RBM43: variants seen among roughly 807,000 people sequenced by gnomAD.
The protein encoded by RBM43 is RNA-binding protein 43.
Under a neutral mutation model 12.4 loss-of-function variants are expected in RBM43, and 12 were observed. The ratio of observed to expected loss-of-function variants is 0.97; its 90% CI spans 0.62 to 1.57. The LOEUF (loss-of-function observed/expected upper bound fraction) is 1.57, where lower values mean the gene tolerates loss of function less well. RBM43 is among the 40% of genes most tolerant of loss of function. RBM43 has a pLI of 0.00. For synonymous variants in RBM43, 138 were observed against 145.7 expected (o/e 0.95, Z 0.38); for missense variants, 348 against 400.1 (o/e 0.87, Z 1.11).
In RBM43 at chr2:151,248,449, G is replaced by A. The variant is rs1682847949; in HGVS notation, c.*2457C>T. 1 of 152,072 alleles carries A rather than the reference G, an allele frequency of 6.6e-6. No homozygotes were observed. Among genetic ancestry groups the A allele is most frequent in the Non-Finnish European group, 1.5e-5 (1 of 68,008 alleles). The allele number at this position is 152,072 out of a possible 1,614,324, so 9.4% of individuals were successfully genotyped here. ...AGCTGTTTAGAGAAGGATAAAGAGG[G>A]GATACTGTAAGAAGGGGAGGGGAAA... On this transcript the variant is annotated 3_prime_UTR_variant, in exon 4 of 4. Coordinates refer to ENST00000331426, the MANE Select transcript of RBM43 (RefSeq NM_198557.3).
In RBM43 at chr2:151,251,399, C is replaced by T. The variant is rs140236677; in HGVS notation, c.581G>A (p.Arg194Lys). 2.5e-4 allele frequency: 397 copies of T among 1,614,074 alleles called. No individual in the cohort carries two copies. The highest frequency in any genetic ancestry group is 3.1e-4 in the Non-Finnish European group (368 of 1,180,036). The stretch of plus-strand genomic sequence containing the variant: ...AGAGTTATTACTTCTCTGTAGATTC[C>T]TCTGGGGATTTTGTCTATTCCACTT... The part of the protein sequence containing the change: ...ERKWNRQNPQ[R>K]NLQRSNNSLA... The change falls in exon 4 of 4, where the codon AGG (arginine) becomes AAG (lysine). Residue 194 changes from arginine to lysine, a missense_variant. By Grantham distance (26) the Arg-to-Lys change is conservative. Coordinates refer to ENST00000331426, the MANE Select transcript of RBM43 (RefSeq NM_198557.3).
intron 2 of RBM43, among the ~76,000 whole-genome samples, chr2:151,253,279 C>G (rs1232335168): frequency 6.6e-6 from 1 of 152,154 alleles, no homozygotes; most frequent in Admixed American, 6.5e-5. Context: ...GACCTCAGGC[C>G]TCATGCTTCT....
chr2:151,255,272 G>A (rs1682956216), intron 2 of RBM43, among the ~76,000 whole-genome samples: 1 of 152,018 alleles, frequency 6.6e-6, no homozygotes, highest in Admixed American at 6.6e-5. Context: ...AAATTTAGCT[G>A]GGCGTGATGG....
At chr2:151,253,706 C>G in intron 2 of RBM43, among the ~76,000 whole-genome samples, 1 of 152,104 alleles carries the variant, frequency 6.6e-6, no homozygotes, top group East Asian at 1.9e-4. Context: ...CATCTCACCC[C>G]AGAATAAAAT....
chr2:151,251,056 C>A lies in RBM43; in HGVS notation c.924G>T (p.Met308Ile), dbSNP rs923325980. ...LEGKENREKR[M>I]IKRACEQLSS... ...TTAATTGTTCACATGCCCTTTTGATCATTCTTTTCTCTCTATTTTCCTTTC... is the reference window on the plus strand; with the variant it reads ...TTAATTGTTCACATGCCCTTTTGATAATTCTTTTCTCTCTATTTTCCTTTC... Residue 308 changes from methionine (M) to isoleucine (I), a missense_variant, in exon 4 of 4, where the codon ATG (methionine) becomes ATT (isoleucine). Physicochemically the swap from Met to Ile is conservative, Grantham distance 10. Transcript: ENST00000331426. 2 of 1,613,994 alleles carry A rather than the reference C, an allele frequency of 1.2e-6. No homozygotes were observed. The highest frequency in any genetic ancestry group is 3.3e-5 in the Admixed American group (2 of 59,984).
Position 151,251,412 on chromosome 2 carries a change from G to A in RBM43, c.568C>T (p.Gln190Ter). The A allele has an allele frequency of 1.2e-6, 2 of 1,614,158 alleles. No individual in the cohort carries two copies. Among genetic ancestry groups the A allele is most frequent in the South Asian group, 2.2e-5 (2 of 91,084 alleles). The change falls in exon 4 of 4, where the codon CAA (glutamine) becomes TAA (stop). Residue 190 changes from glutamine to a stop codon, truncating the protein, a stop_gained. Transcript: ENST00000331426. LOFTEE classifies it low-confidence loss of function (END_TRUNC). The stretch of plus-strand genomic sequence containing the variant: ...CTCTGTAGATTCCTCTGGGGATTTT[G>A]TCTATTCCACTTTCTCTCCTCACTG... ...FTSEERKWNRQNPQRNLQRSN... is the reference protein window; with the variant it reads ...FTSEERKWNR
At position 151,251,068 on chromosome 2, in the gene RBM43, T is replaced by A. The variant is rs771991229; in HGVS notation, c.912A>T (p.Arg304Ser). The change falls in exon 4 of 4, where the codon AGA becomes AGT. Residue 304 changes from arginine to serine, a missense_variant. Arg to Ser is a moderately radical substitution (Grantham distance 110). Transcript: ENST00000331426. ...ATGCCCTTTTGATCATTCTTTTCTC[T>A]CTATTTTCCTTTCCTTCCAAAATAA... is the stretch of plus-strand genomic sequence containing the variant. ...ETFILEGKEN[R>S]EKRMIKRACE... 2 of 1,614,094 alleles carry A rather than the reference T, an allele frequency of 1.2e-6. No homozygotes were observed. The highest frequency in any genetic ancestry group is 1.7e-6 in the Non-Finnish European group (2 of 1,179,992).
Position 151,257,311 on chromosome 2 carries a change from A to AACAC in RBM43, c.4-1572_4-1569dup, listed in dbSNP as rs71403150. Among the ~76,000 whole-genome samples the AACAC allele has an allele frequency of 2.2e-3, 333 of 150,802 alleles. No homozygotes were observed. In the Middle Eastern group the frequency reaches 0.024, roughly 11 times the overall value. On this transcript the variant is annotated intron_variant, in intron 1 of 3. Coordinates refer to ENST00000331426, the MANE Select transcript of RBM43 (RefSeq NM_198557.3). ...GTGTAAGAGCACGCATGCGTGCACAAACACACACACACACACACACAAACA... is the reference window on the plus strand; with the variant it reads ...GTGTAAGAGCACGCATGCGTGCACAAACACACACACACACACACACACACAAACA...
At chr2:151,257,364 A>G (rs1682989138) in intron 1 of RBM43, among the ~76,000 whole-genome samples, 1 of 152,148 alleles carries the variant, frequency 6.6e-6, no homozygotes, top group Non-Finnish European at 1.5e-5. Context: ...TGTCCTGTCC[A>G]TCCCAAGAGC....
At chr2:151,252,197 A>G (rs1465398877) in intron 3 of RBM43, among the ~76,000 whole-genome samples, 3 of 152,120 alleles carry the variant, frequency 2.0e-5, no homozygotes, top group Non-Finnish European at 4.4e-5. Flanking sequence ...GGCATCATCC[A>G]TGACAGTATA....
Position 151,248,005 on chromosome 2 carries a change from G to C in RBM43, c.*2901C>G, listed in dbSNP as rs1682842612. On this transcript the variant is annotated 3_prime_UTR_variant, in exon 4 of 4. Transcript: ENST00000331426. Reference sequence around the variant, plus strand: ...TATAGTAAAACACGTAAATTCACCAGTTTATAAAAATGATTAGATGCAAAT... The same window carrying C: ...TATAGTAAAACACGTAAATTCACCACTTTATAAAAATGATTAGATGCAAAT... 6.6e-6 allele frequency: 1 copy of C among 152,102 alleles called. No homozygotes were observed. Among genetic ancestry groups the C allele is most frequent in the Non-Finnish European group, 1.5e-5 (1 of 67,988 alleles). The allele number at this position is 152,102 out of a possible 1,614,324, so 9.4% of individuals were successfully genotyped here.
intron 1 of RBM43, chr2:151,261,239 T>C: frequency 6.5e-7 from 1 of 1,541,620 alleles, no homozygotes; most frequent in Non-Finnish European, 8.8e-7. Flanking sequence ...TCTTCCTGAC[T>C]TGCGTCCTTG....
Position 151,255,518 on chromosome 2 carries a change from T to C in RBM43, c.214+15A>G, listed in dbSNP as rs761947288. ...GAAGTATTTCTAAAATTACAAAAAT[T>C]TGACTTGGAAATACCTTTTTTTTCT... is the stretch of plus-strand genomic sequence containing the variant. On this transcript the variant is annotated intron_variant, in intron 2 of 3. Coordinates refer to ENST00000331426, the MANE Select transcript of RBM43 (RefSeq NM_198557.3). 9 of 1,537,602 alleles carry C rather than the reference T, an allele frequency of 5.9e-6. No individual in the cohort carries two copies. The highest frequency in any genetic ancestry group is 2.7e-5 in the African/African-American group (2 of 72,738).
chr2:151,251,342 G>A lies in RBM43; in HGVS notation c.638C>T (p.Thr213Ile), dbSNP rs146653278. 5 of 1,614,080 alleles carry A rather than the reference G, an allele frequency of 3.1e-6. No individual in the cohort carries two copies. The highest frequency in any genetic ancestry group is 4.2e-6 in the Non-Finnish European group (5 of 1,179,936). ...LASVRTLVPE[T>I]ARSGEMLVLD... Reference sequence around the variant, plus strand: ...CACAAGCATTTCTCCACTTCTAGCAGTCTCAGGTACTAAGGTCCTGACTGA... The same window carrying A: ...CACAAGCATTTCTCCACTTCTAGCAATCTCAGGTACTAAGGTCCTGACTGA... Residue 213 changes from threonine to isoleucine, a missense_variant, in exon 4 of 4, where the codon ACT becomes ATT. Coordinates refer to ENST00000331426, the MANE Select transcript of RBM43 (RefSeq NM_198557.3).
chr2:151,261,513 G>A (rs949349742), intron 1 of RBM43: 2 of 1,549,602 alleles, frequency 1.3e-6, no homozygotes, highest in African/African-American at 2.7e-5. Flanking sequence ...CCGCCACCTG[G>A]GAAGGGTGCA....
chr2:151,255,758 G>A lies in RBM43; in HGVS notation c.4-15C>T. ...AAAACTGATGCCTGTAAGAGAAACAGCAGGTTATTCTTTAAAAACACAAGA... is the reference window on the plus strand; with the variant it reads ...AAAACTGATGCCTGTAAGAGAAACAACAGGTTATTCTTTAAAAACACAAGA... On this transcript the variant is annotated splice_polypyrimidine_tract_variant and intron_variant, in intron 1 of 3. Coordinates refer to ENST00000331426, the MANE Select transcript of RBM43 (RefSeq NM_198557.3). 1 of 1,563,770 alleles carries A rather than the reference G, an allele frequency of 6.4e-7. No homozygotes were observed. Among genetic ancestry groups the A allele is most frequent in the Non-Finnish European group, 8.8e-7 (1 of 1,134,720 alleles).
chr2:151,257,518 C>T (rs1174499601), intron 1 of RBM43, among the ~76,000 whole-genome samples: 4 of 149,642 alleles, frequency 2.7e-5, no homozygotes, highest in Non-Finnish European at 5.9e-5. Context: ...ATGGAGAAAC[C>T]CCGTCTGTAC....
rs571541704 is a variant in RBM43 at position 151,256,612 on chromosome 2, A to T, written c.4-869T>A. Among the ~76,000 whole-genome samples the T allele has an allele frequency of 5.9e-5, 9 of 152,302 alleles. No homozygotes were observed. The South Asian group carries it at 1.7e-3, about 28-fold the overall frequency. On this transcript the variant is annotated intron_variant, in intron 1 of 3. Coordinates refer to ENST00000331426, the MANE Select transcript of RBM43 (RefSeq NM_198557.3). ...AGCAGGCAGATCACCTGACATCAGG[A>T]GTTCCAGACCAGCCTGGCCAACATG...
At position 151,251,585 on chromosome 2, in the gene RBM43, A is replaced by G. The variant is rs972847539; in HGVS notation, c.395T>C (p.Leu132Pro). ...EVTLETLVKD[L>P]KKKIPSLSFS... is the part of the protein sequence containing the mutation. ...GCTTAAACTCGGGATTTTTTTTTTC[A>G]GGTCTTTTACCAGAGTTTCTAGAGT... The change falls in exon 4 of 4, where the codon CTG becomes CCG. Residue 132 changes from leucine to proline, a missense_variant. By Grantham distance (98) the Leu-to-Pro change is moderately conservative. Coordinates refer to ENST00000331426, the MANE Select transcript of RBM43 (RefSeq NM_198557.3). The G allele has an allele frequency of 1.9e-6, 3 of 1,612,910 alleles. No homozygotes were observed. In the African/African-American group the frequency reaches 4.0e-5, roughly 22 times the overall value.
Sources: gnomAD v4.1 joint callset for allele counts (sites outside exome capture counted in the v4.1 genomes callset) on GRCh38, gnomAD v4.1.1 for gene constraint, MANE v1.5 for transcripts, NCBI Gene and HGNC (gene_info 2026-07-23, HGNC 2026-07-21) for gene names.